The following TRAT1 variants were observed in gnomAD, a reference collection of about 807,000 sequenced individuals.
The protein encoded by TRAT1 is T-cell receptor-associated transmembrane adapter 1.
Under a neutral mutation model 20.0 loss-of-function variants are expected in TRAT1, and 20 were observed. The ratio of observed to expected loss-of-function variants is 1.00; its 90% CI spans 0.70 to 1.45. The LOEUF (loss-of-function observed/expected upper bound fraction) is 1.45. Among genes scored for constraint, TRAT1 ranks in the 40% most tolerant of loss-of-function variants. TRAT1 has a pLI of 0.00. For missense variants in TRAT1, 237 were observed against 224.1 expected (o/e 1.06, Z -0.37); for synonymous variants, 77 against 74.2 (o/e 1.04, Z -0.20).
intron 2 of TRAT1, among the ~76,000 whole-genome samples, chr3:108,836,551 A>C (rs976441392): frequency 6.6e-6 from 1 of 152,190 alleles, no homozygotes; most frequent in Non-Finnish European, 1.5e-5. Context: ...CATCTTAATA[A>C]TACCAGTGTG....
chr3:108,851,391 T>C (rs1945996691), intron 5 of TRAT1, among the ~76,000 whole-genome samples: 1 of 152,166 alleles, frequency 6.6e-6, no homozygotes, highest in Admixed American at 6.5e-5. Flanking sequence ...ATTTGAAAAA[T>C]ACAAGTGTGA....
intron 3 of TRAT1, among the ~76,000 whole-genome samples, chr3:108,845,327 C>A (rs1385996966): frequency 1.3e-5 from 2 of 152,198 alleles, no homozygotes; most frequent in Non-Finnish European, 2.9e-5. Flanking sequence ...AAACAATACT[C>A]ATTTTTTGGA....
chr3:108,853,572 A>G (rs776869976), intron 5 of TRAT1, 48 bp from the exon 6 acceptor site: 2 of 1,563,990 alleles, frequency 1.3e-6, no homozygotes, highest in Non-Finnish European at 1.7e-6. Flanking sequence ...CCAGAAGTCA[A>G]GCTAAAGAAC....
At chr3:108,834,005 G>T (rs1945817964) in intron 2 of TRAT1, among the ~76,000 whole-genome samples, 1 of 152,014 alleles carries the variant, frequency 6.6e-6, no homozygotes, top group Non-Finnish European at 1.5e-5. Flanking sequence ...GGTGAACATT[G>T]GTTTCTCTGG....
chr3:108,832,035 A>G (rs1324278509), intron 2 of TRAT1, among the ~76,000 whole-genome samples: 1 of 152,238 alleles, frequency 6.6e-6, no homozygotes, highest in East Asian at 1.9e-4. Flanking sequence ...GATTGCAGCA[A>G]ATGTCCTTGC....
rs900321290 is a variant in TRAT1 at position 108,849,200 on chromosome 3, A to G, written c.249A>G (p.Lys83=). ...PMDENCYEQM[K]ARPEKSVNKM... ...ATGAAAATTGCTATGAACAAATGAA[A>G]GCCCGACCAGAGAAATCTGTAAATA... Residue 83 remains lysine, a synonymous_variant, in exon 5 of 6, where the codon AAA becomes AAG. Transcript: ENST00000295756. 1.9e-6 allele frequency: 3 copies of G among 1,614,046 alleles called. No individual in the cohort carries two copies. The African/African-American group carries it at 4.0e-5, about 22-fold the overall frequency.
intron 2 of TRAT1, among the ~76,000 whole-genome samples, chr3:108,837,967 A>G (rs1437022979): frequency 1.3e-5 from 2 of 152,212 alleles, no homozygotes; most frequent in Non-Finnish European, 2.9e-5. Flanking sequence ...TATTTGACCT[A>G]GAAGTAAAAA....
intron 3 of TRAT1, among the ~76,000 whole-genome samples, chr3:108,841,763 T>A (rs1199221440): frequency 6.6e-6 from 1 of 152,062 alleles, no homozygotes; most frequent in African/African-American, 2.4e-5. Context: ...AAGCAGAAAA[T>A]CAAATACACA....
chr3:108,824,091 C>T (rs186851762), intron 1 of TRAT1, among the ~76,000 whole-genome samples: 33 of 152,198 alleles, frequency 2.2e-4, no homozygotes, highest in African/African-American at 7.5e-4. Context: ...AGGATGGTCT[C>T]GATCTCTTGA....
At chr3:108,837,745 A>G (rs1945852306) in intron 2 of TRAT1, among the ~76,000 whole-genome samples, 1 of 152,168 alleles carries the variant, frequency 6.6e-6, no homozygotes, top group Non-Finnish European at 1.5e-5. Flanking sequence ...AGCCATTCAA[A>G]TATAATAAAC....
intron 2 of TRAT1, among the ~76,000 whole-genome samples, chr3:108,837,710 T>C (rs1333933045): frequency 6.6e-6 from 1 of 152,186 alleles, no homozygotes; most frequent in Non-Finnish European, 1.5e-5. Flanking sequence ...GTTTTGGCTT[T>C]TATTTAATGC....
In TRAT1 at chr3:108,838,963, A is replaced by G; in HGVS notation, c.148A>G (p.Thr50Ala). 6.2e-7 allele frequency: 1 copy of G among 1,606,656 alleles called. No individual in the cohort carries two copies. Among genetic ancestry groups the G allele is most frequent in the Admixed American group, 1.7e-5 (1 of 60,016 alleles). Residue 50 changes from threonine to alanine, a missense_variant, in exon 3 of 6, where the codon ACC becomes GCC. Coordinates refer to ENST00000295756, the MANE Select transcript of TRAT1 (RefSeq NM_016388.4). ...DKMYSYSSDH[T>A]RVDEYYIEDT... ...AATGTACAGCTACTCCAGTGACCAC[A>G]CCAGGTATGTTGTGATTCAGTCATG...
intron 2 of TRAT1, among the ~76,000 whole-genome samples, chr3:108,834,274 T>G (rs1261978426): frequency 1.3e-5 from 2 of 152,234 alleles, no homozygotes. Context: ...GAGCATACAC[T>G]GGAACTTGCA....
chr3:108,853,584 G>T (rs550375812), intron 5 of TRAT1, 36 bp from the exon 6 acceptor site: 3 of 1,597,854 alleles, frequency 1.9e-6, no homozygotes, highest in African/African-American at 2.7e-5. Flanking sequence ...CTAAAGAACA[G>T]ACTAACAATG....
At chr3:108,842,524 G>A (rs1015968121) in intron 3 of TRAT1, among the ~76,000 whole-genome samples, 11 of 152,048 alleles carry the variant, frequency 7.2e-5, no homozygotes, top group East Asian at 1.9e-4. Context: ...GTGTCTCTAC[G>A]TCTTCCAGCC....
At chr3:108,838,843 G>A (rs1270296764) in intron 2 of TRAT1, 91 bp from the exon 3 acceptor site, 7 of 982,654 alleles carry the variant, frequency 7.1e-6, no homozygotes, top group Admixed American at 1.8e-5. Context: ...AATTGACATT[G>A]AGGCTAAACT....
chr3:108,846,154 G>A (rs1472762331), intron 3 of TRAT1, among the ~76,000 whole-genome samples: 1 of 152,130 alleles, frequency 6.6e-6, no homozygotes, highest in Non-Finnish European at 1.5e-5. Flanking sequence ...TAAACTTGCT[G>A]TACAATCCTA....
At chr3:108,836,351 C>A (rs1945842221) in intron 2 of TRAT1, among the ~76,000 whole-genome samples, 2 of 152,122 alleles carry the variant, frequency 1.3e-5, no homozygotes, top group African/African-American at 4.8e-5. Context: ...TTACTCCATA[C>A]CTACTTTTTC....
intron 1 of TRAT1, among the ~76,000 whole-genome samples, chr3:108,829,071 T>C (rs575611634): frequency 2.0e-5 from 3 of 152,298 alleles, no homozygotes; most frequent in South Asian, 4.2e-4. Context: ...GCAATAATTA[T>C]AGCTTGGACT....
Sources: gnomAD v4.1 joint callset for allele counts (sites outside exome capture counted in the v4.1 genomes callset) on GRCh38, gnomAD v4.1.1 for gene constraint, MANE v1.5 for transcripts, NCBI Gene and HGNC (gene_info 2026-07-23, HGNC 2026-07-21) for gene names.